The following LRRTM4 variants were observed in gnomAD, a reference collection of about 807,000 sequenced individuals.
The protein encoded by LRRTM4 is leucine rich repeat transmembrane neuronal 4, also known as leucine-rich repeat transmembrane neuronal protein 4.
In LRRTM4, 25 loss-of-function variants were observed where a neutral mutation model predicts 47.6. That is an observed-to-expected ratio of 0.53 (90% CI 0.38 to 0.73). The LOEUF (loss-of-function observed/expected upper bound fraction) is 0.73, where lower values mean the gene tolerates loss of function less well. Ranked by LOEUF, LRRTM4 falls within the 30% of genes least tolerant of loss-of-function variation. The pLI is 0.00. For missense variants in LRRTM4, 638 were observed against 713.4 expected (o/e 0.89, Z 1.20); for synonymous variants, 311 against 269.5 (o/e 1.15, Z -1.51).
intron 3 of LRRTM4, among the ~76,000 whole-genome samples, chr2:77,200,505 A>G (rs1420789235): frequency 4.6e-5 from 7 of 152,132 alleles, no homozygotes; most frequent in Non-Finnish European, 1.0e-4. Context: ...ACATTCTAAA[A>G]TGTTTATGAA....
intron 3 of LRRTM4, among the ~76,000 whole-genome samples, chr2:77,144,027 A>G (rs1253391092): frequency 3.9e-5 from 6 of 152,184 alleles, no homozygotes; most frequent in African/African-American, 1.2e-4. Context: ...TCTTGAGGAC[A>G]TTATCTGTGG....
intron 3 of LRRTM4, among the ~76,000 whole-genome samples, chr2:77,049,122 T>TTATATATATATATATATATATA (rs3058032): frequency 4.8e-5 from 3 of 62,692 alleles, no homozygotes; most frequent in Non-Finnish European, 8.1e-5. Flanking sequence ...ATTTCATTTT[T>TTATATATATATATATATATATA]TATATATATA....
intron 3 of LRRTM4, among the ~76,000 whole-genome samples, chr2:77,005,450 T>C (rs1677607064): frequency 6.6e-6 from 1 of 152,098 alleles, no homozygotes; most frequent in South Asian, 2.1e-4. Flanking sequence ...GCTGATTGTG[T>C]TTTAATATGT....
At chr2:77,273,402 A>G (rs2104076818) in intron 3 of LRRTM4, among the ~76,000 whole-genome samples, 1 of 152,288 alleles carries the variant, frequency 6.6e-6, no homozygotes, top group Admixed American at 6.5e-5. Context: ...TTTAATCACT[A>G]TGGCAAAATT....
chr2:77,396,412 A>T lies in LRRTM4; in HGVS notation c.1551+121906T>A, dbSNP rs191751765. On this transcript the variant is annotated intron_variant, in intron 3 of 3. Transcript: ENST00000409884. Reference sequence around the variant, plus strand: ...CTCTGCTAAGGTTTTTACAGGTAGGAAGTGTGTTTAATTCATCTTTATATC... The same window carrying T: ...CTCTGCTAAGGTTTTTACAGGTAGGTAGTGTGTTTAATTCATCTTTATATC... Among the ~76,000 whole-genome samples the T allele has an allele frequency of 3.3e-3, 499 of 151,940 alleles. 2 individuals carry two copies. The highest frequency in any genetic ancestry group is 0.011 in the African/African-American group (476 of 41,512).
At chr2:76,886,387 T>A (rs1673077350) in intron 3 of LRRTM4, among the ~76,000 whole-genome samples, 1 of 152,158 alleles carries the variant, frequency 6.6e-6, no homozygotes, top group African/African-American at 2.4e-5. Flanking sequence ...TCTTAAATAC[T>A]CATCAATCTT....
intron 3 of LRRTM4, among the ~76,000 whole-genome samples, chr2:76,809,237 A>G (rs554489564): frequency 3.1e-4 from 47 of 152,306 alleles, no homozygotes; most frequent in African/African-American, 1.1e-3. Flanking sequence ...CATACATGCA[A>G]TCCTATTGTA....
At chr2:76,975,684 T>C (rs1432643494) in intron 3 of LRRTM4, among the ~76,000 whole-genome samples, 1 of 151,682 alleles carries the variant, frequency 6.6e-6, no homozygotes, top group East Asian at 1.9e-4. Context: ...GTAGAAAACA[T>C]TGAGGAGACA....
chr2:77,028,175 T>C (rs1328999307), intron 3 of LRRTM4, among the ~76,000 whole-genome samples: 1 of 152,114 alleles, frequency 6.6e-6, no homozygotes, highest in African/African-American at 2.4e-5. Flanking sequence ...CACTCAAATC[T>C]AAAGTCCAAA....
At chr2:77,317,820 T>C (rs1481575224) in intron 3 of LRRTM4, among the ~76,000 whole-genome samples, 2 of 152,052 alleles carry the variant, frequency 1.3e-5, no homozygotes, top group African/African-American at 4.8e-5. Flanking sequence ...ATATTGCCTA[T>C]TGATTACCAA....
chr2:76,868,696 A>C (rs1237697604), intron 3 of LRRTM4, among the ~76,000 whole-genome samples: 1 of 152,206 alleles, frequency 6.6e-6, no homozygotes, highest in Non-Finnish European at 1.5e-5. Context: ...GTGGATTTGC[A>C]ATAGGTAACA....
At chr2:76,782,255 G>T (rs1224978520) in intron 3 of LRRTM4, among the ~76,000 whole-genome samples, 1 of 152,122 alleles carries the variant, frequency 6.6e-6, no homozygotes, top group Non-Finnish European at 1.5e-5. Flanking sequence ...TTTTACAGTG[G>T]TCCTTACACT....
chr2:77,007,383 A>T (rs1221939678), intron 3 of LRRTM4, among the ~76,000 whole-genome samples: 1 of 152,188 alleles, frequency 6.6e-6, no homozygotes, highest in Non-Finnish European at 1.5e-5. Flanking sequence ...AAAAAGATCA[A>T]TATGAAGATA....
chr2:77,182,768 T>G (rs180809665), intron 3 of LRRTM4, among the ~76,000 whole-genome samples: 1 of 152,276 alleles, frequency 6.6e-6, no homozygotes, highest in Admixed American at 6.5e-5. Context: ...AAGGGAATGC[T>G]TCCAGTTTTT....
intron 3 of LRRTM4, among the ~76,000 whole-genome samples, chr2:77,361,416 T>TTTCTA (rs1672205788): frequency 2.6e-5 from 4 of 152,172 alleles, no homozygotes; most frequent in African/African-American, 9.7e-5. Flanking sequence ...TAAGACATTG[T>TTTCTA]GCTATTTTGA....
chr2:77,257,063 A>G (rs1417459501), intron 3 of LRRTM4, among the ~76,000 whole-genome samples: 2 of 152,168 alleles, frequency 1.3e-5, no homozygotes, highest in African/African-American at 4.8e-5. Context: ...CACTTGATAC[A>G]GAAAACAGCT....
intron 3 of LRRTM4, among the ~76,000 whole-genome samples, chr2:76,966,648 C>T (rs756849257): frequency 3.9e-4 from 59 of 151,516 alleles, no homozygotes; most frequent in Non-Finnish European, 7.0e-4. Flanking sequence ...TCTTGTCTTC[C>T]GTTCACTTCT....
intron 3 of LRRTM4, among the ~76,000 whole-genome samples, chr2:77,380,598 A>C (rs1488448274): frequency 6.6e-6 from 1 of 152,052 alleles, no homozygotes. Flanking sequence ...GGAGTTCGAG[A>C]CCATCTGGCC....
At chr2:76,878,914 A>G (rs1164032341) in intron 3 of LRRTM4, among the ~76,000 whole-genome samples, 1 of 152,114 alleles carries the variant, frequency 6.6e-6, no homozygotes, top group Non-Finnish European at 1.5e-5. Flanking sequence ...TGCTGATATG[A>G]AGAAATTTTA....
Sources: allele counts gnomAD v4.1 joint callset (sites outside exome capture counted in the v4.1 genomes callset), GRCh38; gene constraint gnomAD v4.1.1; transcripts MANE v1.5; gene names NCBI Gene and HGNC (gene_info 2026-07-23, HGNC 2026-07-21).